The following IL36A variants were observed in gnomAD, a reference collection of about 807,000 sequenced individuals.
IL36A encodes interleukin 36 alpha.
A neutral mutation model predicts 12.7 loss-of-function variants in IL36A; 13 were observed. That is an observed-to-expected ratio of 1.02 (90% CI 0.67 to 1.63). IL36A has a LOEUF of 1.63. Ranked by LOEUF, IL36A falls within the 40% of genes most tolerant of loss-of-function variation. The probability of loss-of-function intolerance (pLI) is 0.00; values close to 1 mark genes in which losing one functional copy is unlikely to be tolerated. For missense variants in IL36A, 195 were observed against 192.9 expected (o/e 1.01, Z -0.07); for synonymous variants, 73 against 71.9 (o/e 1.01, Z -0.08).
chr2:113,007,356 C>A (rs987354108), intron 3 of IL36A, among the ~76,000 whole-genome samples: 2 of 152,092 alleles, frequency 1.3e-5, no homozygotes, highest in African/African-American at 4.8e-5. Flanking sequence ...TTGCATTTAT[C>A]GGGTAGATGA....
chr2:113,008,820 A>T (rs567240576), downstream of IL36A, among the ~76,000 whole-genome samples: 5,088 of 126,840 alleles, frequency 0.04, 175 homozygotes, highest in South Asian at 0.074. Context: ...TTTTTTTTAA[A>T]AATTTTATTA....
Position 113,007,824 on chromosome 2 carries a change from C to A in IL36A, c.265-8C>A. The A allele has an allele frequency of 1.2e-6, 2 of 1,609,258 alleles. No individual in the cohort carries two copies. The highest frequency in any genetic ancestry group is 1.7e-6 in the Non-Finnish European group (2 of 1,175,568). On this transcript the variant is annotated splice_region_variant and splice_polypyrimidine_tract_variant and intron_variant, in intron 3 of 3. Transcript: ENST00000259211. ...GTTTCTTGCTGGTGTCTCCTTCGCA[C>A]CCTTCAGGAAAAGGATATAATGGAT...
In IL36A at chr2:113,006,744, G is replaced by A. The variant is rs1684631422; in HGVS notation, c.264+7G>A. On this transcript the variant is annotated splice_region_variant and intron_variant, in intron 3 of 3. Coordinates refer to ENST00000259211, the MANE Select transcript of IL36A (RefSeq NM_014440.3). ...GCCCACACTGCAGCTGAAGGTGAGTGTGGAAGACAGGTCCTGCCATTTATT... is the reference window on the plus strand; with the variant it reads ...GCCCACACTGCAGCTGAAGGTGAGTATGGAAGACAGGTCCTGCCATTTATT... 1 of 1,613,436 alleles carries A rather than the reference G, an allele frequency of 6.2e-7. No individual in the cohort carries two copies. The highest frequency in any genetic ancestry group is 8.5e-7 in the Non-Finnish European group (1 of 1,179,850).
At chr2:113,010,978 C>T (rs561782773), downstream of IL36A, among the ~76,000 whole-genome samples, 2 of 152,214 alleles carry the variant, frequency 1.3e-5, no homozygotes, top group Admixed American at 6.5e-5. Flanking sequence ...CAGTATTTGT[C>T]GTTTTGTGAC....
downstream of IL36A, among the ~76,000 whole-genome samples, chr2:113,008,383 C>T (rs1463814153): frequency 1.8e-5 from 2 of 112,542 alleles, no homozygotes; most frequent in East Asian, 2.6e-4. Flanking sequence ...TTTTTTGAGA[C>T]GGAGTCTCGC....
In IL36A at chr2:113,006,640, A is replaced by C. The variant is rs370873251; in HGVS notation, c.167A>C (p.Glu56Ala). 6.2e-7 allele frequency: 1 copy of C among 1,614,036 alleles called. No homozygotes were observed. Among genetic ancestry groups the C allele is most frequent in the African/African-American group, 1.3e-5 (1 of 74,908 alleles). The change falls in exon 3 of 4, where the codon GAG becomes GCG. Residue 56 changes from glutamate (E) to alanine (A), a missense_variant. Physicochemically the swap from Glu to Ala is moderately radical, Grantham distance 107. Coordinates refer to ENST00000259211, the MANE Select transcript of IL36A (RefSeq NM_014440.3). ...LISCRHVETL[E>A]KDRGNPIYLG... ...TCATGCCGACATGTGGAGACCCTTG[A>C]GAAAGACAGAGGGAACCCCATCTAC...
At chr2:113,006,804 A>T (rs1684632797) in intron 3 of IL36A, 67 bp downstream of exon 3, 1 of 1,546,826 alleles carries the variant, frequency 6.5e-7, no homozygotes, top group Admixed American at 1.7e-5. Flanking sequence ...CTTTTAAAAG[A>T]CAATGTACTT....
rs765332830 is a variant in IL36A, at chr2:113,006,634, C to A, written c.161C>A (p.Thr54Asn). The change falls in exon 3 of 4, where the codon ACC (threonine) becomes AAC (asparagine). Residue 54 changes from threonine (T) to asparagine (N), a missense_variant. By Grantham distance (65) the Thr-to-Asn change is moderately conservative (BLOSUM62 0). Transcript: ENST00000259211. The stretch of plus-strand genomic sequence containing the variant: ...TTAATCTCATGCCGACATGTGGAGA[C>A]CCTTGAGAAAGACAGAGGGAACCCC... ...IALISCRHVETLEKDRGNPIY... is the reference protein window; with the variant it reads ...IALISCRHVENLEKDRGNPIY... 9.7e-5 allele frequency: 157 copies of A among 1,613,942 alleles called. No individual in the cohort carries two copies. Among genetic ancestry groups the A allele is most frequent in the Non-Finnish European group, 1.3e-4 (150 of 1,180,010 alleles).
chr2:113,006,185 A>G (rs1684617551), intron 2 of IL36A, 98 bp downstream of exon 2: 2 of 779,814 alleles, frequency 2.6e-6, no homozygotes, highest in South Asian at 1.4e-5. Context: ...TTAACCGGGC[A>G]TATCTACAGA....
Position 113,007,902 on chromosome 2 carries a change from G to T in IL36A, c.335G>T (p.Ser112Ile). 1.2e-6 allele frequency: 2 copies of T among 1,614,186 alleles called. No homozygotes were observed. The highest frequency in any genetic ancestry group is 1.7e-6 in the Non-Finnish European group (2 of 1,180,032). ...VKSFLFYHSQ[S>I]GRNSTFESVA... ...TCCTTTCTCTTCTACCACAGCCAGA[G>T]TGGCAGGAACTCCACCTTCGAGTCT... The change falls in exon 4 of 4, where the codon AGT becomes ATT. Residue 112 changes from serine to isoleucine, a missense_variant. Physicochemically the swap from Ser to Ile is moderately radical, Grantham distance 142. Coordinates refer to ENST00000259211, the MANE Select transcript of IL36A (RefSeq NM_014440.3).
rs1291921749 is a variant in IL36A at position 113,005,794 on chromosome 2, G to C, written c.-78G>C. 8.5e-6 allele frequency: 13 copies of C among 1,530,654 alleles called. No individual in the cohort carries two copies. The highest frequency in any genetic ancestry group is 1.4e-5 in the African/African-American group (1 of 73,310). 94.8% of individuals were successfully genotyped at this position (1,530,654 alleles called of 1,614,324 possible). On this transcript the variant is annotated 5_prime_UTR_variant, in exon 1 of 4. Coordinates refer to ENST00000259211, the MANE Select transcript of IL36A (RefSeq NM_014440.3). ...CAGGGTTAAACTGTGGCTTGGGACT[G>C]ACTCAGGTCCTCTCTTGGGGTCGGT...
chr2:113,008,169 T>C (rs1684666602), downstream of IL36A: 16 of 783,776 alleles, frequency 2.0e-5, no homozygotes, highest in South Asian at 2.5e-4. Flanking sequence ...CCTCCCAATA[T>C]ATTCATGCAG....
At chr2:113,007,378 C>T (rs913776727) in intron 3 of IL36A, among the ~76,000 whole-genome samples, 2 of 152,166 alleles carry the variant, frequency 1.3e-5, no homozygotes, top group African/African-American at 4.8e-5. Context: ...AGGGATGCTA[C>T]TAAACATCCT....
intron 3 of IL36A, 45 bp downstream of exon 3, chr2:113,006,782 A>C: frequency 1.3e-6 from 2 of 1,598,146 alleles, no homozygotes; most frequent in Non-Finnish European, 1.7e-6. Context: ...ATGGAAACTC[A>C]GATTTCAGGA....
downstream of IL36A, among the ~76,000 whole-genome samples, chr2:113,009,231 T>G (rs1420637548): frequency 6.6e-6 from 1 of 151,622 alleles, no homozygotes; most frequent in East Asian, 2.0e-4. Context: ...TGTTGGACAT[T>G]TAGGTTGGTC....
chr2:113,006,193 A>G, intron 2 of IL36A, 106 bp downstream of exon 2: 1 of 746,386 alleles, frequency 1.3e-6, no homozygotes, highest in Non-Finnish European at 2.4e-6. Context: ...GCATATCTAC[A>G]GAGAGGAGCA....
In IL36A at chr2:113,005,750, G is replaced by C. The variant is rs754983175; in HGVS notation, c.-122G>C. On this transcript the variant is annotated 5_prime_UTR_variant, in exon 1 of 4. Coordinates refer to ENST00000259211, the MANE Select transcript of IL36A (RefSeq NM_014440.3). ...GACTGGGGTCACTGCTGGGCTGGCC[G>C]CCAGTCTTTCATCTGACCCAGGGTT... 7.4e-6 allele frequency: 8 copies of C among 1,082,176 alleles called. No individual in the cohort carries two copies. In the Admixed American group the frequency reaches 1.0e-4, roughly 14 times the overall value. 67.0% of individuals were successfully genotyped at this position (1,082,176 alleles called of 1,614,324 possible). A position where few individuals can be genotyped will look rare whatever the true frequency, so the allele number is the denominator to read the frequency against.
chr2:113,008,955 T>A (rs538386492), downstream of IL36A, among the ~76,000 whole-genome samples: 49 of 148,872 alleles, frequency 3.3e-4, 2 homozygotes, highest in South Asian at 0.011. Flanking sequence ...TATCTCCTAA[T>A]GCTATCCCTC....
intron 3 of IL36A, among the ~76,000 whole-genome samples, chr2:113,006,985 C>T (rs1449978147): frequency 1.3e-5 from 2 of 152,134 alleles, no homozygotes; most frequent in African/African-American, 4.8e-5. Context: ...CAATAGAACA[C>T]ACACACAGAG....
Sources: allele counts gnomAD v4.1 joint callset (sites outside exome capture counted in the v4.1 genomes callset), GRCh38; gene constraint gnomAD v4.1.1; transcripts MANE v1.5; gene names NCBI Gene and HGNC (gene_info 2026-07-23, HGNC 2026-07-21).